The following SEM1 variants were observed in gnomAD, a reference collection of about 807,000 sequenced individuals.
The protein encoded by SEM1 is 26S proteasome complex subunit SEM1.
A neutral mutation model predicts 12.7 loss-of-function variants in SEM1; 3 were observed. The observed-to-expected ratio is 0.24, with a 90% CI of 0.11 to 0.61. The LOEUF is 0.61. Among genes scored for constraint, SEM1 ranks in the 20% least tolerant of loss-of-function variants. The pLI, the probability that SEM1 is intolerant of heterozygous loss-of-function variation, is 0.88. For synonymous variants in SEM1, 30 were observed against 27.8 expected (o/e 1.08, Z -0.25); for missense variants, 59 against 81.3 (o/e 0.73, Z 1.06).
chr7:96,529,790 A>G (rs1425999013), intron 2 of SEM1, among the ~76,000 whole-genome samples: 3 of 152,142 alleles, frequency 2.0e-5, no homozygotes, highest in Non-Finnish European at 2.9e-5. Flanking sequence ...CATGTATAGT[A>G]ACTGTGATCC....
In SEM1 at chr7:96,571,051, G is replaced by C. The variant is rs186394717; in HGVS notation, c.171-64353C>G. Among the ~76,000 whole-genome samples the C allele has an allele frequency of 5.3e-3, 798 of 151,640 alleles. 11 individuals carry two copies. Among genetic ancestry groups the C allele is most frequent in the African/African-American group, 0.018 (759 of 41,356 alleles). On this transcript the variant is annotated intron_variant and NMD_transcript_variant, in intron 2 of 3. Coordinates refer to the SEM1 transcript ENST00000466986. ...ATATTGTTTGCCCACTTTTTGATGG[G>C]GTTGTTATTTTCTTGTAAATTTGTT...
chr7:96,566,536 T>C (rs1350307469), intron 2 of SEM1, among the ~76,000 whole-genome samples: 1 of 151,626 alleles, frequency 6.6e-6, no homozygotes, highest in Admixed American at 6.6e-5. Context: ...CTTCATATAA[T>C]AAGAAAGATA....
intron 2 of SEM1, among the ~76,000 whole-genome samples, chr7:96,582,773 G>A (rs1339892967): frequency 6.6e-6 from 1 of 152,230 alleles, no homozygotes; most frequent in African/African-American, 2.4e-5. Context: ...GGTGTTTGTA[G>A]TATTATCTTA....
intron 2 of SEM1, among the ~76,000 whole-genome samples, chr7:96,514,190 A>C (rs1441870565): frequency 6.6e-6 from 1 of 152,086 alleles, no homozygotes; most frequent in Non-Finnish European, 1.5e-5. Flanking sequence ...CTTGTGCTTA[A>C]CGTCTTGAAA....
chr7:96,585,935 A>G (rs757389986), intron 2 of SEM1, among the ~76,000 whole-genome samples: 2 of 152,046 alleles, frequency 1.3e-5, no homozygotes, highest in Non-Finnish European at 2.9e-5. Flanking sequence ...CTTCTGCATC[A>G]CTCATGCTGG....
At chr7:96,492,779 G>A (rs1191204012) in intron 1 of SEM1, among the ~76,000 whole-genome samples, 1 of 151,240 alleles carries the variant, frequency 6.6e-6, no homozygotes, top group Admixed American at 6.6e-5. Context: ...GTGTGTGTGT[G>A]TGTGTGTGTG....
Position 96,496,040 on chromosome 7 carries a change from T to A in SEM1, c.12+244A>T, listed in dbSNP as rs550108522. Among the ~76,000 whole-genome samples, 187 of 152,236 alleles carry A rather than the reference T, an allele frequency of 1.2e-3. 1 individual carries two copies. Among genetic ancestry groups the A allele is most frequent in the Non-Finnish European group, 1.2e-3 (80 of 68,028 alleles). ...ATTTCATTGTACAAACAGACAGCCT[T>A]CGAGATGCTGGTGTTGTTTCTTAAT... is the stretch of plus-strand genomic sequence containing the variant. On this transcript the variant is annotated intron_variant, in intron 1 of 3. Coordinates refer to the SEM1 transcript ENST00000356686.
downstream of SEM1, among the ~76,000 whole-genome samples, chr7:96,620,097 C>G (rs1251896460): frequency 1.3e-5 from 2 of 152,136 alleles, no homozygotes; most frequent in Non-Finnish European, 2.9e-5. Context: ...TCCTTAGCAG[C>G]AGCTGCAGCC....
chr7:96,644,116 T>C (rs889819946), intron 2 of SEM1, among the ~76,000 whole-genome samples: 1 of 152,058 alleles, frequency 6.6e-6, no homozygotes, highest in Non-Finnish European at 1.5e-5. Flanking sequence ...CTTTACTGGC[T>C]TGTTCTCTGG....
intron 2 of SEM1, among the ~76,000 whole-genome samples, chr7:96,667,468 A>G (rs1273300335): frequency 6.6e-6 from 1 of 152,176 alleles, no homozygotes; most frequent in Non-Finnish European, 1.5e-5. Flanking sequence ...TTAATTACCT[A>G]TTGGCCACGG....
At chr7:96,633,380 T>G (rs2116349250) in intron 2 of SEM1, among the ~76,000 whole-genome samples, 1 of 152,208 alleles carries the variant, frequency 6.6e-6, no homozygotes, top group East Asian at 1.9e-4. Context: ...TGAAATAGCA[T>G]TAAACACGGG....
intron 2 of SEM1, among the ~76,000 whole-genome samples, chr7:96,608,302 G>A (rs1286355133): frequency 6.6e-6 from 1 of 152,204 alleles, no homozygotes; most frequent in African/African-American, 2.4e-5. Context: ...CTCTGAATTT[G>A]AGTGTGTTGG....
At chr7:96,650,639 G>C (rs1808945956) in intron 2 of SEM1, 2 of 638,190 alleles carry the variant, frequency 3.1e-6, no homozygotes, top group Non-Finnish European at 5.6e-6. Flanking sequence ...AACCCCCCAA[G>C]TTCCAAATTT....
rs565792823 is a variant in SEM1 at position 96,624,582 on chromosome 7, G to A, written c.171-1939C>T. 7.2e-5 allele frequency among the ~76,000 whole-genome samples: 11 copies of A among 152,278 alleles called. No homozygotes were observed. In the South Asian group the frequency reaches 1.0e-3, roughly 14 times the overall value. On this transcript the variant is annotated intron_variant, in intron 2 of 2. Transcript: ENST00000417009. The stretch of plus-strand genomic sequence containing the variant: ...CAGACAATTGTTATGAGAATGAAAT[G>A]AAATAATGCTCATTAAGTGCTTGGC...
intron 2 of SEM1, among the ~76,000 whole-genome samples, chr7:96,538,228 C>T (rs1160924825): frequency 6.6e-6 from 1 of 151,774 alleles, no homozygotes; most frequent in Admixed American, 6.6e-5. Context: ...GAGTCTTTAA[C>T]ATATTAAGCA....
intron 2 of SEM1, among the ~76,000 whole-genome samples, chr7:96,538,612 A>G (rs1201314099): frequency 6.6e-6 from 1 of 151,816 alleles, no homozygotes; most frequent in Non-Finnish European, 1.5e-5. Flanking sequence ...ATCTACTATT[A>G]TACTGAAGCC....
chr7:96,667,796 A>G (rs1227045317), intron 2 of SEM1, among the ~76,000 whole-genome samples: 2 of 152,190 alleles, frequency 1.3e-5, no homozygotes, highest in Non-Finnish European at 2.9e-5. Flanking sequence ...TACACACCTA[A>G]TACCACTTGA....
chr7:96,569,520 A>G (rs1261495438), intron 2 of SEM1, among the ~76,000 whole-genome samples: 1 of 152,110 alleles, frequency 6.6e-6, no homozygotes, highest in East Asian at 1.9e-4. Flanking sequence ...ATTTTTAAAT[A>G]TTTTATATTT....
intron 2 of SEM1, among the ~76,000 whole-genome samples, chr7:96,529,043 T>C (rs1278428932): frequency 6.6e-6 from 1 of 152,146 alleles, no homozygotes; most frequent in Non-Finnish European, 1.5e-5. Context: ...CATTTTGGTT[T>C]GGAAGAAAGA....
Sources: allele counts gnomAD v4.1 joint callset (sites outside exome capture counted in the v4.1 genomes callset), GRCh38; gene constraint gnomAD v4.1.1; transcripts MANE v1.5; gene names NCBI Gene and HGNC (gene_info 2026-07-23, HGNC 2026-07-21).